The following NPAS4 variants were observed in gnomAD, a reference collection of about 807,000 sequenced individuals.
The protein encoded by NPAS4 is neuronal PAS domain-containing protein 4.
Under a neutral mutation model 64.0 loss-of-function variants are expected in NPAS4, and 10 were observed. That is an observed-to-expected ratio of 0.16 (90% confidence interval 0.10 to 0.26). The LOEUF (loss-of-function observed/expected upper bound fraction) is 0.26, where lower values mean the gene tolerates loss of function less well. Among genes scored for constraint, NPAS4 ranks in the 10% least tolerant of loss-of-function variants. NPAS4 has a pLI of 1.00. For synonymous variants in NPAS4, 441 were observed against 411.7 expected, an observed-to-expected ratio of 1.07 and a Z score of -0.86; for missense variants, 886 against 992.6, an observed-to-expected ratio of 0.89 and a Z score of 1.44.
Position 66,422,327 on chromosome 11 carries a change from C to T in NPAS4, c.327+56C>T. ...TGGGCATGGAGTGGGTGCCGTGAGC[C>T]TTCCACTCCTGAGGAACTGGGAATT... On this transcript the variant is annotated intron_variant, in intron 2 of 7. Transcript: ENST00000311034. 1.9e-6 allele frequency: 3 copies of T among 1,579,078 alleles called. No homozygotes were observed. In the South Asian group the frequency reaches 3.3e-5, roughly 17 times the overall value.
chr11:66,425,176 C>A lies in NPAS4; in HGVS notation c.2286C>A (p.Thr762=). 2 of 1,591,422 alleles carry A rather than the reference C, an allele frequency of 1.3e-6. No homozygotes were observed. Among genetic ancestry groups the A allele is most frequent in the Non-Finnish European group, 1.7e-6 (2 of 1,172,474 alleles). ...TGGAGGACCTGGCCACATATGAAAC[C>A]GCCTTTGAGACAGGTGTCTCAGCAT... The part of the protein sequence containing the change: ...SFLEDLATYE[T]AFETGVSAFP... Residue 762 remains threonine (T), a synonymous_variant, in exon 7 of 8, where the codon ACC becomes ACA. Coordinates refer to ENST00000311034, the MANE Select transcript of NPAS4 (RefSeq NM_178864.4).
rs780558671 is a variant in NPAS4, at chr11:66,424,602, A to G, written c.1712A>G (p.Tyr571Cys). 1 of 1,614,138 alleles carries G rather than the reference A, an allele frequency of 6.2e-7. No individual in the cohort carries two copies. The highest frequency in any genetic ancestry group is 8.5e-7 in the Non-Finnish European group (1 of 1,180,024). Reference sequence around the variant, plus strand: ...GCCCAGGAGGGATGCAGTTTTCTCTATGAGAAGTTGCCCCCAAGTCCTAGC... The same window carrying G: ...GCCCAGGAGGGATGCAGTTTTCTCTGTGAGAAGTTGCCCCCAAGTCCTAGC... The part of the protein sequence containing the change: ...YFAQEGCSFL[Y>C]EKLPPSPSSP... Residue 571 changes from tyrosine (Y) to cysteine (C), a missense_variant, in exon 7 of 8, where the codon TAT becomes TGT. Around this residue, in one of 3 missense-constraint regions of NPAS4, gnomAD observed 820 missense variants for 855.5 expected, o/e 0.96. Transcript: ENST00000311034.
rs1856737173 is a variant in NPAS4 at position 66,421,275 on chromosome 11, G to C, written c.96G>C (p.Ala32=). 6.2e-7 allele frequency: 1 copy of C among 1,614,002 alleles called. No individual in the cohort carries two copies. Among genetic ancestry groups the C allele is most frequent in the African/African-American group, 1.3e-5 (1 of 74,962 alleles). The part of the protein sequence containing the change: ...NLKELLPLAE[A]DKVRLSYLHI... ...AGGAGCTGCTGCCGCTGGCCGAAGC[G>C]GACAAGGTCCGGCTGTCCTACCTGC... Residue 32 remains alanine, a synonymous_variant, in exon 1 of 8, where the codon GCG becomes GCC. Transcript: ENST00000311034.
intron 7 of NPAS4, among the ~76,000 whole-genome samples, chr11:66,425,674 G>C (rs1856829530): frequency 1.3e-5 from 2 of 152,160 alleles, no homozygotes; most frequent in African/African-American, 4.8e-5. Context: ...GCTCCCTGAA[G>C]GGGATACAGA....
chr11:66,425,594 TAAAC>T (rs889945380), intron 7 of NPAS4, among the ~76,000 whole-genome samples: 7 of 152,122 alleles, frequency 4.6e-5, no homozygotes, highest in Admixed American at 1.3e-4. Flanking sequence ...GTCCCAGAGT[TAAAC>T]AGACTTTCCT....
upstream of NPAS4, among the ~76,000 whole-genome samples, chr11:66,418,863 ACT>A (rs1856697900): frequency 6.6e-6 from 1 of 151,762 alleles, no homozygotes; most frequent in South Asian, 2.1e-4. Flanking sequence ...TTCCATGGTG[ACT>A]CTTTCAGCAC....
chr11:66,422,319 C>T, intron 2 of NPAS4, 48 bp downstream of exon 2: 1 of 1,591,284 alleles, frequency 6.3e-7, no homozygotes, highest in Non-Finnish European at 8.6e-7. Context: ...GGAGTGGGTG[C>T]CGTGAGCCTT....
intron 5 of NPAS4, 76 bp from the exon 6 acceptor site, chr11:66,423,502 G>A (rs1199623500): frequency 6.4e-7 from 1 of 1,551,946 alleles, no homozygotes; most frequent in African/African-American, 1.4e-5. Flanking sequence ...TCAATTCAGT[G>A]GAGAGGTGAC....
the NPAS4 span, among the ~76,000 whole-genome samples, chr11:66,411,385 C>T: frequency 2.0e-5 from 3 of 152,144 alleles, no homozygotes; most frequent in Admixed American, 2.0e-4. Context: ...TTGCAGAACA[C>T]GCCCAGCAGG....
At position 66,424,677 on chromosome 11, in the gene NPAS4, G is replaced by T. The variant is rs1009680048; in HGVS notation, c.1787G>T (p.Gly596Val). Residue 596 changes from glycine (G) to valine (V), a missense_variant, in exon 7 of 8, where the codon GGC (glycine) becomes GTC (valine). Transcript: ENST00000311034. ...CTCTTGGCCCTAGCCCAGCTCCGGGGCCCCCTCTCTGTGGATGTCCCCCTG... is the reference window on the plus strand; with the variant it reads ...CTCTTGGCCCTAGCCCAGCTCCGGGTCCCCCTCTCTGTGGATGTCCCCCTG... The part of the protein sequence containing the change: ...CTLLALAQLR[G>V]PLSVDVPLVP... 2 of 1,613,364 alleles carry T rather than the reference G, an allele frequency of 1.2e-6. No individual in the cohort carries two copies. Among genetic ancestry groups the T allele is most frequent in the Non-Finnish European group, 1.7e-6 (2 of 1,179,522 alleles).
At chr11:66,411,868 G>A in the NPAS4 span, among the ~76,000 whole-genome samples, 133 of 152,300 alleles carry the variant, frequency 8.7e-4, 3 homozygotes, top group East Asian at 0.024. Context: ...TGGGACCCCC[G>A]GACTGTTCCC....
chr11:66,420,942 A>G, upstream of NPAS4: 1 of 475,014 alleles, frequency 2.1e-6, no homozygotes, highest in Non-Finnish European at 3.8e-6. Context: ...CAGCTTGCTT[A>G]GCCCAGCCTC....
the NPAS4 span, among the ~76,000 whole-genome samples, chr11:66,411,652 T>G: frequency 6.6e-6 from 1 of 152,116 alleles, no homozygotes; most frequent in African/African-American, 2.4e-5. Flanking sequence ...GCTCAGCCCT[T>G]CTTGGCTTCA....
Position 66,426,058 on chromosome 11 carries a change from C to A in NPAS4, c.*69C>A, listed in dbSNP as rs1023551554. On this transcript the variant is annotated 3_prime_UTR_variant, in exon 8 of 8. Transcript: ENST00000311034. ...CAAGACGTGGAGCCGCTCTCCACCC[C>A]CCCGGGACTGTTGGGGGGATTCTGA... 2.5e-6 allele frequency: 3 copies of A among 1,202,652 alleles called. No individual in the cohort carries two copies. The South Asian group carries it at 3.6e-5, about 15-fold the overall frequency. The allele number at this position is 1,202,652 out of a possible 1,614,324, so 74.5% of individuals were successfully genotyped here. A position where few individuals can be genotyped will look rare whatever the true frequency, so the allele number is the denominator to read the frequency against.
intron 1 of NPAS4, 91 bp downstream of exon 1, chr11:66,421,445 G>A (rs765763664): frequency 1.4e-4 from 166 of 1,206,876 alleles, no homozygotes; most frequent in Non-Finnish European, 1.8e-4. Flanking sequence ...GCATGTCTAG[G>A]GCAGCGTGCT....
the NPAS4 span, chr11:66,410,957 A>G: frequency 6.6e-6 from 1 of 152,196 alleles, no homozygotes; most frequent in Non-Finnish European, 1.5e-5. Flanking sequence ...CTTGGAACCC[A>G]TCGGATCCCT....
In NPAS4 at chr11:66,426,007, C is replaced by T; in HGVS notation, c.*18C>T. 6.3e-7 allele frequency: 1 copy of T among 1,598,114 alleles called. No individual in the cohort carries two copies. The highest frequency in any genetic ancestry group is 1.1e-5 in the South Asian group (1 of 90,736). On this transcript the variant is annotated 3_prime_UTR_variant, in exon 8 of 8. Transcript: ENST00000311034. Reference sequence around the variant, plus strand: ...CGTTTTGAATAAGTCTGTGACTTAACGTCGTCAAGTATGGCATATTGTCAT... The same window carrying T: ...CGTTTTGAATAAGTCTGTGACTTAATGTCGTCAAGTATGGCATATTGTCAT...
intron 2 of NPAS4, 24 bp from the exon 3 acceptor site, chr11:66,422,427 C>T: frequency 1.9e-6 from 3 of 1,561,382 alleles, no homozygotes; most frequent in Non-Finnish European, 2.7e-6. Context: ...CCCTAATGGT[C>T]ATCTCTTCTT....
chr11:66,420,970 C>A (rs747336269), upstream of NPAS4: 41 of 531,140 alleles, frequency 7.7e-5, no homozygotes, highest in Non-Finnish European at 1.2e-4. Flanking sequence ...CCCGCCCCCC[C>A]GGCTCTAAAA....
Sources: gnomAD v4.1 joint callset for allele counts (sites outside exome capture counted in the v4.1 genomes callset) on GRCh38, gnomAD v4.1.1 for gene constraint, gnomAD v4.1.1 regional missense constraint, MANE v1.5 for transcripts, NCBI Gene and HGNC (gene_info 2026-07-23, HGNC 2026-07-21) for gene names.